Variants in PCDHA7 observed in about 807,000 individuals in gnomAD.
PCDHA7 encodes protocadherin alpha 7, also known as protocadherin alpha-7.
In PCDHA7, 37 loss-of-function variants were observed where a neutral mutation model predicts 57.2. That is an observed-to-expected ratio of 0.65 (90% CI 0.50 to 0.85). The LOEUF is 0.85. PCDHA7 is among the 40% of genes least tolerant of loss of function. The pLI, the probability that PCDHA7 is intolerant of heterozygous loss-of-function variation, is 0.00. For missense variants in PCDHA7, 1,188 were observed against 1,241.8 expected, an observed-to-expected ratio of 0.96 and a Z score of 0.65; for synonymous variants, 553 against 558.8, an observed-to-expected ratio of 0.99 and a Z score of 0.15.
intron 1 of PCDHA7, among the ~76,000 whole-genome samples, chr5:140,961,529 T>C (rs1208334511): frequency 2.6e-5 from 4 of 152,244 alleles, no homozygotes; most frequent in Admixed American, 1.3e-4. Flanking sequence ...AAATTCTAGA[T>C]AGACTGTTCC....
At chr5:140,884,607 T>C (rs1554181780) in intron 1 of PCDHA7, 1 of 1,614,044 alleles carries the variant, frequency 6.2e-7, no homozygotes, top group Non-Finnish European at 8.5e-7. Flanking sequence ...CCTCCTTGTC[T>C]GGGTTCTGCA....
At chr5:140,839,706 G>A (rs2150300101) in intron 1 of PCDHA7, among the ~76,000 whole-genome samples, 1 of 152,134 alleles carries the variant, frequency 6.6e-6, no homozygotes, top group South Asian at 2.1e-4. Context: ...ATAATGTGAT[G>A]ACAAATTTAA....
chr5:140,989,775 C>G (rs1286076429), intron 3 of PCDHA7, among the ~76,000 whole-genome samples: 1 of 152,178 alleles, frequency 6.6e-6, no homozygotes, highest in Non-Finnish European at 1.5e-5. Flanking sequence ...CAAGCACTGG[C>G]TAGAGACTAG....
intron 1 of PCDHA7, among the ~76,000 whole-genome samples, chr5:140,901,935 GTA>G (rs200320249): frequency 0.011 from 1,607 of 151,762 alleles, 16 homozygotes; most frequent in African/African-American, 0.028. Context: ...TAATTCCTAG[GTA>G]TATTTAGTTT....
Position 140,850,752 on chromosome 5 carries a change from C to G in PCDHA7, c.2355+14014C>G. On this transcript the variant is annotated intron_variant, in intron 1 of 3. Transcript: ENST00000525929. ...GGTGGGGAGTTGGTCGTACTCGCAG[C>G]AGAGGAGGCAGAGGGTGTGCTCTGG... is the stretch of plus-strand genomic sequence containing the variant. The G allele has an allele frequency of 1.3e-6, 2 of 1,597,900 alleles. 1 individual carries two copies. Among genetic ancestry groups the G allele is most frequent in the Non-Finnish European group, 1.7e-6 (2 of 1,167,560 alleles).
At chr5:140,856,940 A>G (rs2044280502) in intron 1 of PCDHA7, 1 of 1,593,596 alleles carries the variant, frequency 6.3e-7, no homozygotes, top group African/African-American at 1.3e-5. Context: ...AAACGAAAGG[A>G]CGGGAGAAAT....
chr5:140,971,580 T>C (rs1028418438), intron 1 of PCDHA7, among the ~76,000 whole-genome samples: 9 of 152,154 alleles, frequency 5.9e-5, no homozygotes, highest in African/African-American at 2.2e-4. Context: ...TTTCTTTTTT[T>C]CCTACCTAGT....
At position 140,836,455 on chromosome 5, in the gene PCDHA7, C is replaced by A; in HGVS notation, c.2072C>A (p.Thr691Asn). Residue 691 changes from threonine (T) to asparagine (N), a missense_variant, in exon 1 of 4, where the codon ACC becomes AAC. By Grantham distance (65) the Thr-to-Asn change is moderately conservative. Transcript: ENST00000525929. ...RASLGIAGPE[T>N]ELVDVNVYLI... Reference sequence around the variant, plus strand: ...TCGTTGGGCATTGCAGGCCCAGAGACCGAGCTGGTGGATGTCAACGTGTAC... The same window carrying A: ...TCGTTGGGCATTGCAGGCCCAGAGAACGAGCTGGTGGATGTCAACGTGTAC... 1 of 1,613,840 alleles carries A rather than the reference C, an allele frequency of 6.2e-7. No homozygotes were observed. Among genetic ancestry groups the A allele is most frequent in the Non-Finnish European group, 8.5e-7 (1 of 1,179,860 alleles).
intron 3 of PCDHA7, 63 bp downstream of exon 3, chr5:140,982,626 T>C (rs782343298): frequency 2.5e-5 from 39 of 1,581,800 alleles, no homozygotes; most frequent in Non-Finnish European, 2.8e-5. Context: ...TGACCTACTT[T>C]TGTAAGATCA....
chr5:140,847,700 CAG>C (rs1424975763), intron 1 of PCDHA7: 1 of 149,786 alleles, frequency 6.7e-6, no homozygotes, highest in Non-Finnish European at 1.5e-5. Context: ...TTTCTGGAAA[CAG>C]ATTGTATAAA....
At chr5:140,962,406 T>C (rs1272839882) in intron 1 of PCDHA7, among the ~76,000 whole-genome samples, 1 of 152,218 alleles carries the variant, frequency 6.6e-6, no homozygotes, top group African/African-American at 2.4e-5. Context: ...GCCCCAAACC[T>C]GTCTCTCCCT....
intron 1 of PCDHA7, chr5:140,869,624 A>G: frequency 6.2e-7 from 1 of 1,613,850 alleles, no homozygotes; most frequent in African/African-American, 1.3e-5. Flanking sequence ...AGGCTAAGTA[A>G]AAATGAGTAT....
chr5:140,967,140 C>T (rs781814682), intron 1 of PCDHA7: 4 of 1,611,022 alleles, frequency 2.5e-6, no homozygotes, highest in East Asian at 2.2e-5. Flanking sequence ...GAAGTGCTGG[C>T]GCACAACCCC....
chr5:140,999,409 T>C (rs1554256782), intron 3 of PCDHA7, among the ~76,000 whole-genome samples: 1 of 152,186 alleles, frequency 6.6e-6, no homozygotes, highest in African/African-American at 2.4e-5. Flanking sequence ...TATGAAAGAA[T>C]GGGAGCTAAG....
chr5:140,843,159 C>T lies in PCDHA7; in HGVS notation c.2355+6421C>T. 5 of 1,596,084 alleles carry T rather than the reference C, an allele frequency of 3.1e-6. 1 individual carries two copies. The highest frequency in any genetic ancestry group is 4.3e-6 in the Non-Finnish European group (5 of 1,165,594). On this transcript the variant is annotated intron_variant, in intron 1 of 3. Coordinates refer to ENST00000525929, the MANE Select transcript of PCDHA7 (RefSeq NM_018910.3). ...GCGTGGCTTTCGTATGAGCTGCAGC[C>T]AGCTGCAAGCAGCCCTCGCATCCCG...
At chr5:140,885,270 A>G (rs251381) in intron 1 of PCDHA7, among the ~76,000 whole-genome samples, 102,023 of 151,894 alleles carry the variant, frequency 0.67, 34,437 homozygotes, top group Middle Eastern at 0.71. Flanking sequence ...ACTCATACAT[A>G]TATATATACA....
At chr5:140,989,637 T>C (rs1274152423) in intron 3 of PCDHA7, among the ~76,000 whole-genome samples, 2 of 152,070 alleles carry the variant, frequency 1.3e-5, no homozygotes, top group African/African-American at 4.8e-5. Flanking sequence ...ACAGCAAGGG[T>C]CTTTCATGGC....
chr5:140,884,651 T>G (rs2153405863), intron 1 of PCDHA7: 2 of 1,604,404 alleles, frequency 1.2e-6, no homozygotes, highest in Non-Finnish European at 1.7e-6. Flanking sequence ...GGACTCAGAA[T>G]GCTTGAAAGA....
intron 1 of PCDHA7, chr5:140,849,883 T>A (rs2150456208): frequency 6.3e-7 from 1 of 1,598,406 alleles, no homozygotes; most frequent in Non-Finnish European, 8.6e-7. Context: ...TACACGGTGT[T>A]CGTGAAGGAG....
Sources: gnomAD v4.1 joint callset for allele counts (sites outside exome capture counted in the v4.1 genomes callset) on GRCh38, gnomAD v4.1.1 for gene constraint, MANE v1.5 for transcripts, NCBI Gene and HGNC (gene_info 2026-07-23, HGNC 2026-07-21) for gene names.